Variants in SFXN1 observed in about 807,000 individuals in gnomAD.
The protein encoded by SFXN1 is sideroflexin 1.
In SFXN1, 32 loss-of-function variants were observed where a neutral mutation model predicts 39.5. The observed-to-expected ratio is 0.81, with a 90% CI of 0.61 to 1.09. The LOEUF (loss-of-function observed/expected upper bound fraction) is 1.09, where lower values mean the gene tolerates loss of function less well. SFXN1 is among the 50% of genes least tolerant of loss of function. SFXN1 has a pLI of 0.00. For synonymous variants in SFXN1, 136 were observed against 146.5 expected (o/e 0.93, Z 0.52); for missense variants, 402 against 407.1 (o/e 0.99, Z 0.11).
At chr5:175,504,432 G>A (rs567970385) in intron 2 of SFXN1, among the ~76,000 whole-genome samples, 9 of 151,848 alleles carry the variant, frequency 5.9e-5, no homozygotes, top group South Asian at 2.1e-4. Context: ...AAAACTAACC[G>A]GGCGTGGTGG....
chr5:175,493,745 G>A (rs114736730), intron 2 of SFXN1, among the ~76,000 whole-genome samples: 3,473 of 152,280 alleles, frequency 0.023, 139 homozygotes, highest in African/African-American at 0.078. Flanking sequence ...GAAATTACAC[G>A]TAAGAAAAAG....
At chr5:175,519,480 AC>A (rs1760812548) in intron 8 of SFXN1, among the ~76,000 whole-genome samples, 1 of 152,266 alleles carries the variant, frequency 6.6e-6, no homozygotes, top group African/African-American at 2.4e-5. Context: ...TCTTGTGAAT[AC>A]AAGGGAATAC....
In SFXN1 at chr5:175,496,026, G is replaced by A. The variant is rs568933867; in HGVS notation, c.164+3759G>A. 4.1e-4 allele frequency among the ~76,000 whole-genome samples: 60 copies of A among 146,392 alleles called. No homozygotes were observed. The South Asian group carries it at 0.011, about 26-fold the overall frequency. On this transcript the variant is annotated intron_variant, in intron 2 of 10. Transcript: ENST00000321442. ...AGCGATTCTTCTGCCTCAGCCTCCC[G>A]AGTAGCTGGGATTACAGGCACGCAC...
chr5:175,480,146 A>G (rs1234215283), intron 1 of SFXN1, among the ~76,000 whole-genome samples: 3 of 152,190 alleles, frequency 2.0e-5, no homozygotes, highest in Non-Finnish European at 4.4e-5. Context: ...TCACGCCTGT[A>G]ATCCCAGCAC....
At chr5:175,491,734 T>TC (rs1230912867) in intron 1 of SFXN1, 5 of 159,630 alleles carry the variant, frequency 3.1e-5, no homozygotes, top group Middle Eastern at 3.1e-3. Context: ...GGATCTTCCC[T>TC]CCTCGACCTC....
At chr5:175,500,710 C>T (rs1483456453) in intron 2 of SFXN1, among the ~76,000 whole-genome samples, 1 of 152,176 alleles carries the variant, frequency 6.6e-6, no homozygotes, top group Non-Finnish European at 1.5e-5. Context: ...ACTCACACTA[C>T]CTGGTCTTAA....
intron 1 of SFXN1, among the ~76,000 whole-genome samples, chr5:175,482,165 C>A (rs1173165530): frequency 6.6e-6 from 1 of 152,152 alleles, no homozygotes; most frequent in African/African-American, 2.4e-5. Context: ...CCGTCATGTC[C>A]CCTGGACAGT....
chr5:175,524,099 G>C (rs1458686514), intron 10 of SFXN1: 7 of 69,578 alleles, frequency 1.0e-4, no homozygotes, highest in Non-Finnish European at 1.7e-4. Flanking sequence ...GCGAGATTCT[G>C]TCTCAAAAAA....
chr5:175,504,622 A>C (rs1760217974), intron 2 of SFXN1, among the ~76,000 whole-genome samples: 1 of 152,124 alleles, frequency 6.6e-6, no homozygotes, highest in Non-Finnish European at 1.5e-5. Context: ...ACCATAGAAC[A>C]AATTAAAATA....
chr5:175,492,394 A>G, intron 2 of SFXN1, 127 bp downstream of exon 2: 1 of 800,102 alleles, frequency 1.2e-6, no homozygotes, highest in Non-Finnish European at 1.9e-6. Flanking sequence ...TGACCAAAAA[A>G]AAAAAAAGGA....
At chr5:175,481,304 G>A (rs550268783) in intron 1 of SFXN1, among the ~76,000 whole-genome samples, 2 of 152,092 alleles carry the variant, frequency 1.3e-5, no homozygotes, top group African/African-American at 4.8e-5. Context: ...TGTTACATCC[G>A]TGTTTTTGTT....
intron 10 of SFXN1, chr5:175,522,627 C>G (rs549769046): frequency 5.7e-5 from 27 of 474,560 alleles, no homozygotes; most frequent in African/African-American, 5.6e-4. Context: ...TTTTCTACCC[C>G]CTTCCATTAA....
intron 1 of SFXN1, among the ~76,000 whole-genome samples, chr5:175,491,197 C>T (rs1476644609): frequency 2.0e-5 from 3 of 152,168 alleles, no homozygotes; most frequent in Admixed American, 6.5e-5. Context: ...AGAGTTACTC[C>T]TATTCATGGG....
At chr5:175,507,610 A>G (rs1309513035) in intron 2 of SFXN1, among the ~76,000 whole-genome samples, 1 of 152,182 alleles carries the variant, frequency 6.6e-6, no homozygotes, top group East Asian at 1.9e-4. Flanking sequence ...TCAATTTTTG[A>G]CAATGAATAC....
intron 2 of SFXN1, among the ~76,000 whole-genome samples, chr5:175,500,824 G>A (rs1760048648): frequency 6.6e-6 from 1 of 152,274 alleles, no homozygotes; most frequent in Admixed American, 6.5e-5. Flanking sequence ...GCACAAATGT[G>A]TATAGTTAAC....
At chr5:175,487,538 C>T (rs1023251118) in intron 1 of SFXN1, among the ~76,000 whole-genome samples, 1 of 152,196 alleles carries the variant, frequency 6.6e-6, no homozygotes, top group Non-Finnish European at 1.5e-5. Context: ...TTTGCACCCA[C>T]CAGTCACTCC....
At chr5:175,479,884 A>G (rs1414183295) in intron 1 of SFXN1, among the ~76,000 whole-genome samples, 1 of 152,160 alleles carries the variant, frequency 6.6e-6, no homozygotes, top group South Asian at 2.1e-4. Context: ...TTCTTTGTCC[A>G]TCCCCCTTTT....
chr5:175,501,855 C>T (rs1291508883), intron 2 of SFXN1, among the ~76,000 whole-genome samples: 2 of 152,156 alleles, frequency 1.3e-5, no homozygotes, highest in Non-Finnish European at 2.9e-5. Flanking sequence ...TAGACAGAAC[C>T]GATTTATCAA....
At chr5:175,513,369 T>A in intron 6 of SFXN1, 94 bp from the exon 7 acceptor site, 1 of 1,318,464 alleles carries the variant, frequency 7.6e-7, no homozygotes, top group Non-Finnish European at 1.0e-6. Context: ...GGTATTTGAA[T>A]TAAGTAGAGG....
Sources: allele counts gnomAD v4.1 joint callset (sites outside exome capture counted in the v4.1 genomes callset), GRCh38; gene constraint gnomAD v4.1.1; transcripts MANE v1.5; gene names NCBI Gene and HGNC (gene_info 2026-07-23, HGNC 2026-07-21).